The following KDM4C variants were observed in gnomAD, a reference collection of about 807,000 sequenced individuals.
KDM4C encodes lysine demethylase 4C.
A neutral mutation model predicts 129.3 loss-of-function variants in KDM4C; 81 were observed. That is an observed-to-expected ratio of 0.63 (90% confidence interval 0.52 to 0.75). The LOEUF is 0.75. Among genes scored for constraint, KDM4C ranks in the 30% least tolerant of loss-of-function variants. The pLI is 0.00. For synonymous variants in KDM4C, 573 were observed against 456.1 expected, an observed-to-expected ratio of 1.26 and a Z score of -3.26; for missense variants, 1,457 against 1,304.0, an observed-to-expected ratio of 1.12 and a Z score of -1.81.
At chr9:7,171,212 G>A (rs1324252085) in intron 21 of KDM4C, among the ~76,000 whole-genome samples, 4 of 151,958 alleles carry the variant, frequency 2.6e-5, no homozygotes, top group East Asian at 1.9e-4. Flanking sequence ...CTGCCCACTC[G>A]ATGGGAAATG....
chr9:6,892,524 A>G (rs1846245824), intron 7 of KDM4C, among the ~76,000 whole-genome samples: 1 of 152,194 alleles, frequency 6.6e-6, no homozygotes, highest in Non-Finnish European at 1.5e-5. Flanking sequence ...TCACTCTAAC[A>G]TACATATATT....
chr9:6,806,920 G>T lies in KDM4C; in HGVS notation c.320+1146G>T, dbSNP rs1013190288. On this transcript the variant is annotated intron_variant, in intron 3 of 21. Transcript: ENST00000381309. Reference sequence around the variant, plus strand: ...CCTCTCCCTCTCCCTCTCCCTCTCCGTCTCCCCACGGTCTCCCTCTCATGC... The same window carrying T: ...CCTCTCCCTCTCCCTCTCCCTCTCCTTCTCCCCACGGTCTCCCTCTCATGC... Among the ~76,000 whole-genome samples the T allele has an allele frequency of 2.5e-5, 3 of 120,618 alleles. No homozygotes were observed. In the South Asian group the frequency reaches 7.0e-4, roughly 28 times the overall value. The allele number at this position is 120,618 out of a possible 152,430, so 79.1% of individuals were successfully genotyped here.
chr9:7,063,156 T>G (rs977470565), intron 17 of KDM4C, among the ~76,000 whole-genome samples: 2 of 152,190 alleles, frequency 1.3e-5, no homozygotes, highest in African/African-American at 4.8e-5. Flanking sequence ...ACCATGAGAT[T>G]TTGGTACCGT....
At chr9:6,882,711 G>A (rs116573465) in intron 6 of KDM4C, among the ~76,000 whole-genome samples, 236 of 152,122 alleles carry the variant, frequency 1.6e-3, no homozygotes, top group African/African-American at 5.0e-3. Context: ...GCAGTATTTA[G>A]CAAAAGGGAA....
In KDM4C at chr9:7,026,108, A is replaced by T. The variant is rs189992373; in HGVS notation, c.2259+10179A>T. Among the ~76,000 whole-genome samples, 53 of 151,970 alleles carry T rather than the reference A, an allele frequency of 3.5e-4. 1 individual carries two copies. Among genetic ancestry groups the T allele is most frequent in the Admixed American group, 3.5e-3 (53 of 15,254 alleles). ...GTAATCCCAGCTACCTGTGAGGCTG[A>T]GGCAGGAGATCGCTTGAACCCGGGA... On this transcript the variant is annotated intron_variant, in intron 15 of 21. Transcript: ENST00000381309.
exon 1 of KDM4C, chr9:6,720,872 A>G (rs1192331283): frequency 3.1e-6 from 4 of 1,302,606 alleles, no homozygotes; most frequent in African/African-American, 2.9e-5. Flanking sequence ...GATGGCTGAC[A>G]TGATGGTCTG....
intron 1 of KDM4C, among the ~76,000 whole-genome samples, chr9:6,761,627 C>G (rs974771813): frequency 6.6e-6 from 1 of 152,016 alleles, no homozygotes; most frequent in African/African-American, 2.4e-5. Context: ...GCCTGATCAT[C>G]CCTTCCTGTT....
chr9:6,812,363 A>G (rs1831315768), intron 3 of KDM4C, among the ~76,000 whole-genome samples: 1 of 152,192 alleles, frequency 6.6e-6, no homozygotes, highest in African/African-American at 2.4e-5. Flanking sequence ...AATAAACAGC[A>G]TCTCTGCTAT....
chr9:7,093,668 A>G (rs1043745908), intron 17 of KDM4C, among the ~76,000 whole-genome samples: 1 of 152,234 alleles, frequency 6.6e-6, no homozygotes, highest in East Asian at 1.9e-4. Flanking sequence ...TAGTATTTAA[A>G]ATATACAGGA....
intron 4 of KDM4C, among the ~76,000 whole-genome samples, chr9:6,839,769 G>A (rs1340280342): frequency 2.0e-5 from 3 of 151,970 alleles, no homozygotes; most frequent in Admixed American, 6.5e-5. Context: ...GGGTGTGGTG[G>A]CATGTGCCTG....
chr9:7,098,828 A>G (rs1836751490), intron 17 of KDM4C, among the ~76,000 whole-genome samples: 1 of 152,226 alleles, frequency 6.6e-6, no homozygotes, highest in Non-Finnish European at 1.5e-5. Context: ...CCCCAGTGCT[A>G]GCCAGTATTG....
intron 4 of KDM4C, among the ~76,000 whole-genome samples, chr9:6,821,443 G>T (rs1296410501): frequency 6.6e-6 from 1 of 152,084 alleles, no homozygotes; most frequent in Non-Finnish European, 1.5e-5. Context: ...TCTCATTGTG[G>T]TTTTGATTTG....
intron 9 of KDM4C, chr9:6,982,222 T>C (rs1019242420): frequency 6.6e-6 from 1 of 152,150 alleles, no homozygotes; most frequent in Non-Finnish European, 1.5e-5. Context: ...CTGTCTTTTT[T>C]TTTTCCCTGA....
At chr9:7,124,036 C>T (rs1011662318) in intron 18 of KDM4C, among the ~76,000 whole-genome samples, 1 of 152,162 alleles carries the variant, frequency 6.6e-6, no homozygotes, top group African/African-American at 2.4e-5. Flanking sequence ...AGAGTCTGCT[C>T]CCAATGAGGC....
chr9:7,155,252 C>G (rs1162507060), intron 19 of KDM4C, among the ~76,000 whole-genome samples: 2 of 152,156 alleles, frequency 1.3e-5, no homozygotes, highest in East Asian at 3.9e-4. Context: ...AGCTGGAGAC[C>G]TGTAAGAGGG....
At chr9:6,805,924 C>T in intron 3 of KDM4C, 150 bp downstream of exon 3, 1 of 633,590 alleles carries the variant, frequency 1.6e-6, no homozygotes, top group South Asian at 3.3e-5. Flanking sequence ...GTTTTCTGTT[C>T]TTTAGGTGGT....
At chr9:6,892,257 T>C (rs891453991) in intron 7 of KDM4C, among the ~76,000 whole-genome samples, 1 of 151,650 alleles carries the variant, frequency 6.6e-6, no homozygotes, top group Non-Finnish European at 1.5e-5. Context: ...AACAAATATA[T>C]TATATTATTC....
At chr9:6,824,476 A>G (rs747950226) in intron 4 of KDM4C, among the ~76,000 whole-genome samples, 4 of 152,074 alleles carry the variant, frequency 2.6e-5, no homozygotes, top group Non-Finnish European at 5.9e-5. Flanking sequence ...GAACTCTTTT[A>G]CTCCAAGACA....
chr9:6,748,423 C>T (rs1356590618), intron 1 of KDM4C, among the ~76,000 whole-genome samples: 1 of 151,516 alleles, frequency 6.6e-6, no homozygotes, highest in Non-Finnish European at 1.5e-5. Flanking sequence ...AGGAGAATCG[C>T]TTGAACCTGG....
Sources: gnomAD v4.1 joint callset for allele counts (sites outside exome capture counted in the v4.1 genomes callset) on GRCh38, gnomAD v4.1.1 for gene constraint, MANE v1.5 for transcripts, NCBI Gene and HGNC (gene_info 2026-07-23, HGNC 2026-07-21) for gene names.